The following GLRX3 variants were observed in gnomAD, a reference collection of about 807,000 sequenced individuals.
The protein encoded by GLRX3 is glutaredoxin-3.
A neutral mutation model predicts 49.5 loss-of-function variants in GLRX3; 22 were observed. That is an observed-to-expected ratio of 0.44 (90% CI 0.32 to 0.63). The LOEUF is 0.63. Among genes scored for constraint, GLRX3 ranks in the 30% least tolerant of loss-of-function variants. GLRX3 has a pLI of 0.05. For missense variants in GLRX3, 385 were observed against 396.3 expected, an observed-to-expected ratio of 0.97 and a Z score of 0.24; for synonymous variants, 133 against 140.0, an observed-to-expected ratio of 0.95 and a Z score of 0.35.
chr10:130,157,395 G>A (rs1204050483), intron 2 of GLRX3, among the ~76,000 whole-genome samples: 2 of 149,570 alleles, frequency 1.3e-5, no homozygotes, highest in African/African-American at 4.9e-5. Context: ...GGGAGAGAGA[G>A]AAAGAGGGAG....
At chr10:130,144,102 C>T (rs1054845973) in intron 1 of GLRX3, among the ~76,000 whole-genome samples, 3 of 152,140 alleles carry the variant, frequency 2.0e-5, no homozygotes, top group African/African-American at 7.2e-5. Context: ...CCTTCATTTT[C>T]AACACTTACT....
intron 7 of GLRX3, among the ~76,000 whole-genome samples, chr10:130,171,053 G>A (rs1473208494): frequency 2.6e-5 from 4 of 150,964 alleles, no homozygotes; most frequent in African/African-American, 9.8e-5. Context: ...GCTTGAACCT[G>A]GGAGGTGGAC....
chr10:130,156,206 A>G (rs1862467672), intron 2 of GLRX3, among the ~76,000 whole-genome samples: 1 of 152,212 alleles, frequency 6.6e-6, no homozygotes, highest in South Asian at 2.1e-4. Flanking sequence ...GTGTCTGGCA[A>G]GGGCTTGCTC....
intron 4 of GLRX3, among the ~76,000 whole-genome samples, chr10:130,164,073 C>A (rs1471665022): frequency 6.6e-6 from 1 of 152,190 alleles, no homozygotes; most frequent in Non-Finnish European, 1.5e-5. Context: ...TAGGGTCTCT[C>A]CTGGAGCCCC....
Position 130,179,556 on chromosome 10 carries a change from AT to A in GLRX3, c.*171del, listed in dbSNP as rs1190457805. 1.5e-5 allele frequency: 9 copies of A among 583,952 alleles called. No homozygotes were observed. Among genetic ancestry groups the A allele is most frequent in the Admixed American group, 7.5e-5 (2 of 26,774 alleles). The allele number at this position is 583,952 out of a possible 1,614,324, so 36.2% of individuals were successfully genotyped here. ...GTCGTGCTAAATAAATGTATGTTAC[AT>A]TTTTTTCCCACCAAAAATAGAATGC... On this transcript the variant is annotated 3_prime_UTR_variant, in exon 11 of 11. Transcript: ENST00000331244.
intron 7 of GLRX3, among the ~76,000 whole-genome samples, chr10:130,170,972 C>G (rs867677366): frequency 6.6e-6 from 1 of 151,922 alleles, no homozygotes; most frequent in South Asian, 2.1e-4. Context: ...ACTAAAAATA[C>G]AAAAAGTTTG....
rs572316638 is a variant in GLRX3 at position 130,136,509 on chromosome 10, C to T, written c.89C>T (p.Ala30Val). Residue 30 changes from alanine to valine, a missense_variant, in exon 1 of 11, where the codon GCC (alanine) becomes GTC (valine). Transcript: ENST00000331244. ...GQFEELLRLK[A>V]KSLLVVHFWA... ...TTTGAGGAGCTGCTGCGCCTCAAAGCCAAGTAAGCGGGGCGGCGAGCGGTA... is the reference window on the plus strand; with the variant it reads ...TTTGAGGAGCTGCTGCGCCTCAAAGTCAAGTAAGCGGGGCGGCGAGCGGTA... 1.1e-3 allele frequency: 1,386 copies of T among 1,261,990 alleles called. 10 individuals are homozygous for T. The South Asian group carries it at 0.012, about 11-fold the overall frequency. 78.2% of individuals were successfully genotyped at this position (1,261,990 alleles called of 1,614,324 possible). A position where few individuals can be genotyped will look rare whatever the true frequency, so the allele number is the denominator to read the frequency against.
chr10:130,145,384 TGGGTGC>T, intron 2 of GLRX3, 65 bp downstream of exon 2: 1 of 815,010 alleles, frequency 1.2e-6, no homozygotes, highest in Non-Finnish European at 2.1e-6. Context: ...AGATTAGGGC[TGGGTGC>T]GGTAGCTCAC....
chr10:130,164,483 G>GT (rs1862643178), intron 4 of GLRX3, among the ~76,000 whole-genome samples: 1 of 152,170 alleles, frequency 6.6e-6, no homozygotes, highest in South Asian at 2.1e-4. Flanking sequence ...TTTCAGAGAT[G>GT]TTTTTTAGGG....
chr10:130,165,003 G>T (rs1395308121), intron 4 of GLRX3, among the ~76,000 whole-genome samples: 1 of 152,218 alleles, frequency 6.6e-6, no homozygotes, highest in Non-Finnish European at 1.5e-5. Context: ...AAATACTAGT[G>T]CTTCATCTCA....
chr10:130,142,855 A>G (rs1409360531), intron 1 of GLRX3, among the ~76,000 whole-genome samples: 1 of 152,102 alleles, frequency 6.6e-6, no homozygotes, highest in Non-Finnish European at 1.5e-5. Flanking sequence ...GCTTTACTAC[A>G]TAAGTTCCTT....
At chr10:130,165,665 G>A (rs1862668148) in intron 4 of GLRX3, among the ~76,000 whole-genome samples, 1 of 152,148 alleles carries the variant, frequency 6.6e-6, no homozygotes, top group East Asian at 1.9e-4. Flanking sequence ...GAGAACACAT[G>A]CCTTCTTGAT....
At chr10:130,143,382 G>A (rs1399756305) in intron 1 of GLRX3, among the ~76,000 whole-genome samples, 1 of 152,020 alleles carries the variant, frequency 6.6e-6, no homozygotes, top group Non-Finnish European at 1.5e-5. Flanking sequence ...TTGGGAGGTG[G>A]TATTATATTT....
At chr10:130,171,357 G>A (rs1413736726) in intron 7 of GLRX3, among the ~76,000 whole-genome samples, 1 of 152,104 alleles carries the variant, frequency 6.6e-6, no homozygotes, top group Non-Finnish European at 1.5e-5. Flanking sequence ...GTCATCTCAA[G>A]TGGTTACAAA....
intron 1 of GLRX3, among the ~76,000 whole-genome samples, chr10:130,139,557 G>A (rs779791001): frequency 2.0e-5 from 3 of 151,142 alleles, no homozygotes; most frequent in Non-Finnish European, 2.9e-5. Context: ...CAGGCGAATG[G>A]CATGAACCTG....
intron 1 of GLRX3, among the ~76,000 whole-genome samples, chr10:130,136,960 G>A (rs919683017): frequency 1.4e-4 from 21 of 152,326 alleles, no homozygotes; most frequent in Admixed American, 1.3e-3. Flanking sequence ...CCTTTCCTGT[G>A]CCCGCCGGGA....
intron 1 of GLRX3, among the ~76,000 whole-genome samples, chr10:130,137,188 G>GT (rs1332945982): frequency 6.6e-6 from 1 of 152,222 alleles, no homozygotes; most frequent in Non-Finnish European, 1.5e-5. Context: ...AACTGGTGTA[G>GT]TGAGAGTCTG....
chr10:130,169,412 A>G lies in GLRX3; in HGVS notation c.714-21A>G, dbSNP rs763043469. The G allele has an allele frequency of 2.6e-6, 4 of 1,558,888 alleles. No homozygotes were observed. In the South Asian group the frequency reaches 3.3e-5, roughly 13 times the overall value. ...TTGCATAATTGAGCTGAGCCGTTTTATATCAATTTTCTCTCTTTAGGCTCA... is the reference window on the plus strand; with the variant it reads ...TTGCATAATTGAGCTGAGCCGTTTTGTATCAATTTTCTCTCTTTAGGCTCA... On this transcript the variant is annotated intron_variant, in intron 6 of 10. Transcript: ENST00000331244.
chr10:130,152,709 C>G (rs933652830), intron 2 of GLRX3, among the ~76,000 whole-genome samples: 2 of 152,094 alleles, frequency 1.3e-5, no homozygotes, highest in African/African-American at 4.8e-5. Context: ...GGTAACCCAA[C>G]CTTTCTCTCT....
Sources: allele counts gnomAD v4.1 joint callset (sites outside exome capture counted in the v4.1 genomes callset), GRCh38; gene constraint gnomAD v4.1.1; transcripts MANE v1.5; gene names NCBI Gene and HGNC (gene_info 2026-07-23, HGNC 2026-07-21).